Variants in BTRC observed in about 807,000 individuals in gnomAD.
BTRC encodes F-box/WD repeat-containing protein 1A.
BTRC carries 42 observed loss-of-function variants against 85.5 expected under a neutral mutation model. That is an observed-to-expected ratio of 0.49 (90% CI 0.38 to 0.64). The LOEUF is 0.64. Ranked by LOEUF, BTRC falls within the 30% of genes least tolerant of loss-of-function variation. BTRC has a pLI of 0.00. For missense variants in BTRC, 594 were observed against 743.5 expected, an observed-to-expected ratio of 0.80 and a Z score of 2.34; for synonymous variants, 255 against 263.3, an observed-to-expected ratio of 0.97 and a Z score of 0.30.
intron 1 of BTRC, among the ~76,000 whole-genome samples, chr10:101,380,419 CA>C (rs770934250): frequency 6.6e-6 from 1 of 150,596 alleles, no homozygotes; most frequent in Non-Finnish European, 1.5e-5. Context: ...GTCAAAAATG[CA>C]AACTTGGGGA....
At chr10:101,505,127 G>GTATATGTGTATATATATATGTATATATA (rs1564812103) in intron 4 of BTRC, among the ~76,000 whole-genome samples, 1 of 75,748 alleles carries the variant, frequency 1.3e-5, no homozygotes, top group African/African-American at 7.3e-5. Flanking sequence ...ATATATATAT[G>GTATATGTGTATATATATATGTATATATA]TGTATATATA....
intron 13 of BTRC, 57 bp from the exon 14 acceptor site, chr10:101,550,642 T>A: frequency 1.9e-6 from 3 of 1,543,252 alleles, no homozygotes; most frequent in Non-Finnish European, 2.7e-6. Flanking sequence ...GCTGAATTTG[T>A]GTCCTATTGA....
chr10:101,432,197 G>C lies in BTRC; in HGVS notation c.156+1745G>C, dbSNP rs192807906. Among the ~76,000 whole-genome samples, 5 of 150,294 alleles carry C rather than the reference G, an allele frequency of 3.3e-5. No homozygotes were observed. In the East Asian group the frequency reaches 7.8e-4, roughly 24 times the overall value. On this transcript the variant is annotated intron_variant, in intron 2 of 14. Transcript: ENST00000370187. ...GGCTAGAGTGCAGTGGCACAATCTC[G>C]ACTCACAGCAACCTCTGCCTACTGG...
In BTRC at chr10:101,440,279, CAT is replaced by C. The variant is rs559727544; in HGVS notation, c.156+9834_156+9835del. Among the ~76,000 whole-genome samples the C allele has an allele frequency of 4.2e-3, 635 of 151,794 alleles. 8 individuals are homozygous for C. Among genetic ancestry groups the C allele is most frequent in the African/African-American group, 0.015 (605 of 41,400 alleles). ...TAAATTACAATACATCTTAAAACAA[CAT>C]ATATATTTTTTCTTCTAAGGAAGCA... On this transcript the variant is annotated intron_variant, in intron 2 of 14. Transcript: ENST00000370187.
At chr10:101,484,577 T>C (rs1945932744) in intron 4 of BTRC, among the ~76,000 whole-genome samples, 1 of 152,236 alleles carries the variant, frequency 6.6e-6, no homozygotes, top group South Asian at 2.1e-4. Flanking sequence ...AGAGTTTCTT[T>C]TGAGTTTTAA....
chr10:101,464,815 A>G (rs1945329548), intron 3 of BTRC, among the ~76,000 whole-genome samples: 1 of 152,092 alleles, frequency 6.6e-6, no homozygotes, highest in Non-Finnish European at 1.5e-5. Context: ...TTGTAAATTT[A>G]TTGCAGTGCC....
chr10:101,514,560 C>T lies in BTRC; in HGVS notation c.325-7079C>T, dbSNP rs568224101. On this transcript the variant is annotated intron_variant, in intron 4 of 14. Coordinates refer to ENST00000370187, the MANE Select transcript of BTRC (RefSeq NM_033637.4). ...CTCCACCTCCCAGGTTCAAGTGATT[C>T]TTGTGTCTCAGCTGCCCTAGTAGCT... Among the ~76,000 whole-genome samples, 7 of 151,844 alleles carry T rather than the reference C, an allele frequency of 4.6e-5. No individual in the cohort carries two copies. The East Asian group carries it at 1.4e-3, about 30-fold the overall frequency.
chr10:101,498,003 A>G (rs1946307676), intron 4 of BTRC, among the ~76,000 whole-genome samples: 1 of 152,140 alleles, frequency 6.6e-6, no homozygotes, highest in Admixed American at 6.5e-5. Context: ...CTGGTGACAG[A>G]GCGAGACTCC....
intron 1 of BTRC, among the ~76,000 whole-genome samples, chr10:101,381,781 ATTAT>A (rs1942934975): frequency 6.6e-6 from 1 of 151,794 alleles, no homozygotes; most frequent in African/African-American, 2.4e-5. Context: ...TTCTTTCTAA[ATTAT>A]TTGAGAGTTG....
In BTRC at chr10:101,526,158, G is replaced by A. The variant is rs1368404263; in HGVS notation, c.702G>A (p.Arg234=). 3.1e-6 allele frequency: 5 copies of A among 1,614,004 alleles called. No individual in the cohort carries two copies. In the Admixed American group the frequency reaches 5.0e-5, roughly 16 times the overall value. The change falls in exon 6 of 15, where the codon AGG becomes AGA. Residue 234 remains arginine, a synonymous_variant. Coordinates refer to ENST00000370187, the MANE Select transcript of BTRC (RefSeq NM_033637.4). ...LWKKLIERMV[R]TDSLWRGLAE... is the part of the protein sequence containing the mutation. ...AGAAGCTTATCGAGAGAATGGTCAG[G>A]ACAGATTCTCTGTGGAGAGGCCTGG...
intron 1 of BTRC, among the ~76,000 whole-genome samples, chr10:101,428,959 A>T: frequency 6.6e-6 from 1 of 152,190 alleles, no homozygotes; most frequent in East Asian, 1.9e-4. Context: ...AACCTCTTGC[A>T]TGGCTCTCAT....
intron 1 of BTRC, among the ~76,000 whole-genome samples, chr10:101,370,833 A>G (rs1400670997): frequency 6.6e-6 from 1 of 152,050 alleles, no homozygotes; most frequent in Non-Finnish European, 1.5e-5. Context: ...CTGCCTCCCC[A>G]AGTGCTGGGA....
At chr10:101,530,191 A>T (rs1220448676) in intron 6 of BTRC, among the ~76,000 whole-genome samples, 1 of 152,218 alleles carries the variant, frequency 6.6e-6, no homozygotes, top group African/African-American at 2.4e-5. Context: ...ATGTGTATGT[A>T]CACAGCCAGG....
chr10:101,387,522 A>T (rs1381845278), intron 1 of BTRC, among the ~76,000 whole-genome samples: 1 of 32,938 alleles, frequency 3.0e-5, no homozygotes, highest in Admixed American at 3.6e-4. Context: ...TTATACCTTC[A>T]TGGGACTTTT....
Position 101,389,111 on chromosome 10 carries a change from T to TTG in BTRC, c.48+34891_48+34892dup, listed in dbSNP as rs200533824. On this transcript the variant is annotated intron_variant, in intron 1 of 14. Transcript: ENST00000370187. ...TTGAATGTTGCATAATTGTGATTTT[T>TTG]TGTGTGTGTTTTTTTTTTTTTTTTT... Among the ~76,000 whole-genome samples the TTG allele has an allele frequency of 7.6e-3, 696 of 91,720 alleles. 1 individual carries two copies. The highest frequency in any genetic ancestry group is 0.011 in the Non-Finnish European group (526 of 47,670). The allele number at this position is 91,720 out of a possible 152,430, so 60.2% of individuals were successfully genotyped here.
intron 8 of BTRC, 75 bp from the exon 9 acceptor site, chr10:101,532,877 C>G: frequency 8.5e-7 from 1 of 1,175,524 alleles, no homozygotes; most frequent in Non-Finnish European, 1.3e-6. Flanking sequence ...GGGGATCAGA[C>G]ACGTAATAGG....
At chr10:101,517,018 T>C (rs887515387) in intron 4 of BTRC, among the ~76,000 whole-genome samples, 6 of 152,320 alleles carry the variant, frequency 3.9e-5, no homozygotes, top group Non-Finnish European at 7.4e-5. Flanking sequence ...CTTATAAGCC[T>C]GCCTGTGTGT....
chr10:101,544,075 A>G (rs1321258642), intron 13 of BTRC, among the ~76,000 whole-genome samples: 1 of 152,006 alleles, frequency 6.6e-6, no homozygotes, highest in Non-Finnish European at 1.5e-5. Context: ...ACACCCAGCT[A>G]ATTTTTTGTA....
intron 1 of BTRC, among the ~76,000 whole-genome samples, chr10:101,407,524 T>G (rs1943658677): frequency 6.6e-6 from 1 of 151,670 alleles, no homozygotes; most frequent in African/African-American, 2.4e-5. Flanking sequence ...GTGATTCTCG[T>G]GGACTACAGG....
Sources: allele counts gnomAD v4.1 joint callset (sites outside exome capture counted in the v4.1 genomes callset), GRCh38; gene constraint gnomAD v4.1.1; transcripts MANE v1.5; gene names NCBI Gene and HGNC (gene_info 2026-07-23, HGNC 2026-07-21).